Variants in ZFX observed in about 807,000 individuals in gnomAD.
ZFX encodes the protein zinc finger protein X-linked.
For missense variants in ZFX, 362 were observed against 628.3 expected (o/e 0.58, Z 4.53); for synonymous variants, 196 against 226.8 (o/e 0.86, Z 1.22).
chrX:24,153,391 TCA>T (rs1245884222), intron 3 of ZFX, among the ~76,000 whole-genome samples: 1 of 111,516 alleles, frequency 9.0e-6, no homozygotes, highest in Non-Finnish European at 1.9e-5. Flanking sequence ...GATTGCTGTC[TCA>T]CAAGCCCCAC....
chrX:24,168,500 A>ATGCCAT (rs372335979), intron 3 of ZFX, among the ~76,000 whole-genome samples: 6,277 of 110,685 alleles, frequency 0.057, 506 homozygotes, highest in African/African-American at 0.2. Flanking sequence ...GATAGATAAA[A>ATGCCAT]TGCCATTGCT....
At chrX:24,204,303 C>G (rs184063180) in intron 5 of ZFX, among the ~76,000 whole-genome samples, 13 of 112,493 alleles carry the variant, frequency 1.2e-4, no homozygotes, top group Admixed American at 4.7e-4. Context: ...CAAATTGTCA[C>G]TGTATTTTTG....
chrX:24,200,508 G>C (rs1937223855), intron 5 of ZFX, among the ~76,000 whole-genome samples: 1 of 111,943 alleles, frequency 8.9e-6, no homozygotes, highest in Non-Finnish European at 1.9e-5. Flanking sequence ...ATCGACTTTG[G>C]AGTTAAAATT....
chrX:24,179,813 G>T, intron 5 of ZFX, 43 bp downstream of exon 5: 2 of 1,112,755 alleles, frequency 1.8e-6, no homozygotes, highest in African/African-American at 3.6e-5. Context: ...GTTTTTGTAG[G>T]CTGCCTCTTC....
At chrX:24,190,948 C>T (rs920303716) in intron 5 of ZFX, among the ~76,000 whole-genome samples, 4 of 111,916 alleles carry the variant, frequency 3.6e-5, no homozygotes, top group Non-Finnish European at 7.5e-5. Flanking sequence ...TCAGTCACTG[C>T]TAGCTGTTGC....
Position 24,214,680 on chromosome X carries a change from G to C in ZFX, c.*3304G>C, listed in dbSNP as rs1482141123. On this transcript the variant is annotated 3_prime_UTR_variant, in exon 10 of 10. Transcript: ENST00000304543. Reference sequence around the variant, plus strand: ...AGGTGATTGGTGAGTCCTTTGATGAGCATGTCCTTGGAATTCATTTTTTCT... The same window carrying C: ...AGGTGATTGGTGAGTCCTTTGATGACCATGTCCTTGGAATTCATTTTTTCT... The C allele has an allele frequency of 1.8e-5, 2 of 109,706 alleles. No homozygotes were observed. The highest frequency in any genetic ancestry group is 6.5e-5 in the African/African-American group (2 of 30,701). 9.0% of individuals were successfully genotyped at this position (109,706 alleles called of 1,213,427 possible). A position where few individuals can be genotyped will look rare whatever the true frequency, so the allele number is the denominator to read the frequency against.
intron 5 of ZFX, among the ~76,000 whole-genome samples, chrX:24,205,385 G>A (rs1937534849): frequency 8.9e-6 from 1 of 112,520 alleles, no homozygotes. Context: ...AGACATAGCA[G>A]TGAGTGTCCA....
At chrX:24,159,321 C>T (rs1317528877) in intron 3 of ZFX, among the ~76,000 whole-genome samples, 1 of 112,294 alleles carries the variant, frequency 8.9e-6, no homozygotes, top group Non-Finnish European at 1.9e-5. Context: ...TTTTTCGATT[C>T]CCGGATATTC....
chrX:24,180,509 G>A lies in ZFX; in HGVS notation c.646+739G>A, dbSNP rs181960497. On this transcript the variant is annotated intron_variant, in intron 5 of 9. Transcript: ENST00000304543. ...TGATTCTCGTGCCTCAGCCTCCCAA[G>A]TAGCTGGGATTGTAGGCACGCACCA... Among the ~76,000 whole-genome samples, 10 of 109,451 alleles carry A rather than the reference G, an allele frequency of 9.1e-5. No individual in the cohort carries two copies. The East Asian group carries it at 2.9e-3, about 32-fold the overall frequency.
chrX:24,177,561 G>T, intron 4 of ZFX: 1 of 298,659 alleles, frequency 3.3e-6, no homozygotes, highest in Non-Finnish European at 4.5e-6. Flanking sequence ...CACCACTCCA[G>T]CGCAGCTGCA....
chrX:24,202,435 C>T (rs1054964212), intron 5 of ZFX, among the ~76,000 whole-genome samples: 3 of 111,962 alleles, frequency 2.7e-5, no homozygotes, highest in African/African-American at 6.5e-5. Context: ...TGACCCCCTA[C>T]AGCCTTCACT....
chrX:24,172,021 A>G (rs751707693), intron 3 of ZFX, among the ~76,000 whole-genome samples: 16 of 110,855 alleles, frequency 1.4e-4, no homozygotes, highest in Non-Finnish European at 2.5e-4. Context: ...ATTGTGCTTA[A>G]AGATGAGCTT....
intron 3 of ZFX, among the ~76,000 whole-genome samples, chrX:24,156,219 GAT>G (rs776428277): frequency 8.9e-6 from 1 of 112,035 alleles, no homozygotes; most frequent in African/African-American, 3.2e-5. Flanking sequence ...TTATATTCTG[GAT>G]ACTAATTTGT....
intron 5 of ZFX, among the ~76,000 whole-genome samples, chrX:24,205,138 G>A (rs1012774536): frequency 1.8e-5 from 2 of 112,229 alleles, no homozygotes; most frequent in African/African-American, 6.5e-5. Context: ...GAAAAGGCTT[G>A]TTGTTGCAGG....
intron 5 of ZFX, among the ~76,000 whole-genome samples, chrX:24,203,482 G>A (rs1937439759): frequency 8.9e-6 from 1 of 112,290 alleles, no homozygotes; most frequent in Admixed American, 9.4e-5. Flanking sequence ...TATATAGCGG[G>A]TCCCAGCGCT....
At chrX:24,175,218 C>T (rs1219959196) in intron 4 of ZFX, among the ~76,000 whole-genome samples, 1 of 112,615 alleles carries the variant, frequency 8.9e-6, no homozygotes, top group African/African-American at 3.2e-5. Flanking sequence ...TTCACTTAAT[C>T]TTGCCACAGG....
At chrX:24,174,788 A>G (rs1934981833) in intron 4 of ZFX, among the ~76,000 whole-genome samples, 1 of 110,639 alleles carries the variant, frequency 9.0e-6, no homozygotes, top group Non-Finnish European at 1.9e-5. Context: ...ATTATAGCTC[A>G]TTGTAACTTC....
intron 5 of ZFX, 158 bp from the exon 6 acceptor site, chrX:24,207,168 G>A: frequency 2.0e-6 from 1 of 493,162 alleles, no homozygotes. Flanking sequence ...GGGAGGCGGA[G>A]GTTGCAGTCA....
intron 4 of ZFX, among the ~76,000 whole-genome samples, chrX:24,176,041 T>G (rs1453858942): frequency 1.1e-5 from 1 of 95,106 alleles, no homozygotes; most frequent in Non-Finnish European, 2.1e-5. Context: ...GAACATACTC[T>G]TTTTTTTTTT....
Sources: allele counts gnomAD v4.1 joint callset (sites outside exome capture counted in the v4.1 genomes callset), GRCh38; gene constraint gnomAD v4.1.1; transcripts MANE v1.5; gene names NCBI Gene and HGNC (gene_info 2026-07-23, HGNC 2026-07-21).